The following BRD4 variants were observed in gnomAD, a reference collection of about 807,000 sequenced individuals.
BRD4 encodes the protein bromodomain containing 4.
In BRD4, 16 loss-of-function variants were observed where a neutral mutation model predicts 142.1. The observed-to-expected ratio is 0.11, with a 90% CI of 0.08 to 0.17. BRD4 has a LOEUF of 0.17. Ranked by LOEUF, BRD4 falls within the 10% of genes least tolerant of loss-of-function variation. The pLI is 1.00. For missense variants in BRD4, 1,424 were observed against 1,810.9 expected (o/e 0.79, Z 3.88); for synonymous variants, 833 against 707.5 (o/e 1.18, Z -2.82).
At position 15,272,984 on chromosome 19, in the gene BRD4, T is replaced by C. The variant is rs2047605708; in HGVS notation, c.116A>G (p.Asn39Ser). ...GGGCGGGGGGTTGGTGCTGGCTGCG[T>C]TGGCTGGCTGGGGTTGGGCCTGGGC... ...TQAQAQPQPA[N>S]AASTNPPPPE... Residue 39 changes from asparagine to serine, a missense_variant, in exon 2 of 20, where the codon AAC becomes AGC. Coordinates refer to ENST00000679869, the MANE Select transcript of BRD4 (RefSeq NM_001379291.1). 1 of 1,614,186 alleles carries C rather than the reference T, an allele frequency of 6.2e-7. No individual in the cohort carries two copies.
chr19:15,241,805 CTTTT>C (rs906788611), intron 14 of BRD4, among the ~76,000 whole-genome samples: 13 of 104,302 alleles, frequency 1.2e-4, no homozygotes, highest in East Asian at 2.8e-4. Context: ...TGGCACCTGA[CTTTT>C]TTTTTTTTTT....
intron 1 of BRD4, among the ~76,000 whole-genome samples, chr19:15,310,424 G>C (rs1444461668): frequency 1.5e-5 from 2 of 133,922 alleles, no homozygotes; most frequent in South Asian, 2.4e-4. Context: ...GCAGTGGCGC[G>C]ATCTAGGCTC....
At chr19:15,259,314 C>T (rs2047444844) in intron 7 of BRD4, among the ~76,000 whole-genome samples, 1 of 152,188 alleles carries the variant, frequency 6.6e-6, no homozygotes, top group African/African-American at 2.4e-5. Context: ...GTGGTAGCTA[C>T]CTCAGCGAAC....
intron 1 of BRD4, among the ~76,000 whole-genome samples, chr19:15,301,282 G>C (rs889839749): frequency 2.6e-5 from 4 of 152,216 alleles, no homozygotes; most frequent in Non-Finnish European, 5.9e-5. Context: ...TTGCTGAGGA[G>C]CCGGACACGG....
At chr19:15,250,461 C>T (rs1262945868) in intron 11 of BRD4, among the ~76,000 whole-genome samples, 1 of 152,216 alleles carries the variant, frequency 6.6e-6, no homozygotes, top group Non-Finnish European at 1.5e-5. Flanking sequence ...GTCTGCACTT[C>T]CCAGCTCAAA....
At chr19:15,272,324 C>T (rs551784575) in intron 2 of BRD4, among the ~76,000 whole-genome samples, 59 of 152,274 alleles carry the variant, frequency 3.9e-4, no homozygotes, top group African/African-American at 1.3e-3. Context: ...GCACTCCCTG[C>T]GAGGTAATCC....
intron 10 of BRD4, 135 bp downstream of exon 10, chr19:15,255,160 CTG>C (rs1329885874): frequency 5.7e-6 from 5 of 871,470 alleles, no homozygotes; most frequent in Non-Finnish European, 8.5e-6. Flanking sequence ...TCGGAGGTTT[CTG>C]TGTCAAGAAC....
chr19:15,252,555 G>A (rs527364641), intron 11 of BRD4, among the ~76,000 whole-genome samples: 38 of 152,370 alleles, frequency 2.5e-4, no homozygotes, highest in African/African-American at 8.4e-4. Flanking sequence ...TCTGCTGCGA[G>A]TGGGGGCCCT....
intron 1 of BRD4, among the ~76,000 whole-genome samples, chr19:15,287,612 T>C (rs1354508261): frequency 6.6e-6 from 1 of 151,944 alleles, no homozygotes; most frequent in African/African-American, 2.4e-5. Context: ...TAACTCCCAA[T>C]CCCTGCCTCT....
Position 15,273,151 on chromosome 19 carries a change from A to C in BRD4, c.-34-18T>G, listed in dbSNP as rs200198413. On this transcript the variant is annotated intron_variant, in intron 1 of 19. Transcript: ENST00000679869. ...CAGGCACTCTACAAAGGAAGAGAAG[A>C]GCCCCCGTGAGATATCAGTCAGCAG... is the stretch of plus-strand genomic sequence containing the variant. 1.8e-5 allele frequency: 27 copies of C among 1,527,530 alleles called. No homozygotes were observed. Among genetic ancestry groups the C allele is most frequent in the African/African-American group, 4.1e-5 (3 of 72,298 alleles). The allele number at this position is 1,527,530 out of a possible 1,614,324, so 94.6% of individuals were successfully genotyped here. A position where few individuals can be genotyped will look rare whatever the true frequency, so the allele number is the denominator to read the frequency against.
chr19:15,325,424 CAGG>C (rs2048098919), intron 1 of BRD4, among the ~76,000 whole-genome samples: 1 of 152,116 alleles, frequency 6.6e-6, no homozygotes, highest in Non-Finnish European at 1.5e-5. Context: ...ACTGCCGGGT[CAGG>C]AGACTTGATT....
chr19:15,331,851 C>G (rs1182831119), intron 1 of BRD4: 2 of 146,448 alleles, frequency 1.4e-5, no homozygotes, highest in Non-Finnish European at 3.0e-5. Context: ...CCGGGCGCGC[C>G]GCGGACCCCG....
intron 1 of BRD4, among the ~76,000 whole-genome samples, chr19:15,322,664 AAC>A: frequency 1.4e-5 from 2 of 142,802 alleles, no homozygotes; most frequent in Admixed American, 1.4e-4. Flanking sequence ...CATCCTGGTT[AAC>A]ACAGTGAAAC....
chr19:15,315,728 C>G (rs571393675), intron 1 of BRD4, among the ~76,000 whole-genome samples: 1 of 152,030 alleles, frequency 6.6e-6, no homozygotes, highest in Admixed American at 6.6e-5. Context: ...TGGTGGCCGG[C>G]GCCTGTAGTC....
chr19:15,264,830 G>T, intron 5 of BRD4, 64 bp from the exon 6 acceptor site: 2 of 1,544,190 alleles, frequency 1.3e-6, no homozygotes, highest in Non-Finnish European at 8.7e-7. Flanking sequence ...CTGCCCTCAG[G>T]GTCACCCCCA....
rs201519292 is a variant in BRD4 at position 15,264,473 on chromosome 19, G to A, written c.1143C>T (p.Asp381=). ...AGTCGTGTAGGCCCAGTGCCTCCAC[G>A]TCCACAGGCTTGTAGAAGGGCCAGG... is the stretch of plus-strand genomic sequence containing the variant. ...AYAWPFYKPV[D]VEALGLHDYC... is the part of the protein sequence containing the mutation. Residue 381 remains aspartate (D), a synonymous_variant, in exon 6 of 20, where the codon GAC becomes GAT. Transcript: ENST00000679869. The A allele has an allele frequency of 7.4e-6, 12 of 1,613,686 alleles. No homozygotes were observed. The highest frequency in any genetic ancestry group is 1.7e-5 in the Admixed American group (1 of 59,978).
At chr19:15,308,381 G>A (rs1237262663) in intron 1 of BRD4, among the ~76,000 whole-genome samples, 1 of 151,438 alleles carries the variant, frequency 6.6e-6, no homozygotes, top group Non-Finnish European at 1.5e-5. Context: ...GATGTCAGGA[G>A]TTCGAGAGCA....
At chr19:15,248,854 T>G in intron 11 of BRD4, 1 of 307,548 alleles carries the variant, frequency 3.3e-6, no homozygotes, top group Non-Finnish European at 6.1e-6. Context: ...AGGAGGGAAG[T>G]AGTTAGGGTC....
intron 1 of BRD4, among the ~76,000 whole-genome samples, chr19:15,278,240 G>C (rs1370171786): frequency 6.7e-6 from 1 of 148,868 alleles, no homozygotes; most frequent in Non-Finnish European, 1.5e-5. Context: ...CATCCTATTA[G>C]AAAGTAACTA....
Sources: allele counts gnomAD v4.1 joint callset (sites outside exome capture counted in the v4.1 genomes callset), GRCh38; gene constraint gnomAD v4.1.1; transcripts MANE v1.5; gene names NCBI Gene and HGNC (gene_info 2026-07-23, HGNC 2026-07-21).